The following ACYP2 variants were observed in gnomAD, a reference collection of about 807,000 sequenced individuals.
ACYP2 encodes the protein acylphosphatase 2.
ACYP2 carries 12 observed loss-of-function variants against 11.2 expected under a neutral mutation model. The ratio of observed to expected loss-of-function variants is 1.08; its 90% CI spans 0.69 to 1.74. The LOEUF (loss-of-function observed/expected upper bound fraction) is 1.74. Ranked by LOEUF, ACYP2 falls within the 40% of genes most tolerant of loss-of-function variation. The pLI is 0.00. For synonymous variants in ACYP2, 43 were observed against 32.2 expected (o/e 1.33, Z -1.13); for missense variants, 134 against 101.9 (o/e 1.31, Z -1.35).
At chr2:54,142,024 T>TA in intron 6 of ACYP2, 4 of 295,566 alleles carry the variant, frequency 1.4e-5, no homozygotes, top group African/African-American at 7.8e-5. Flanking sequence ...TATTTTGTTG[T>TA]TGTTGTTGTT....
intron 4 of ACYP2, among the ~76,000 whole-genome samples, chr2:54,116,283 T>C (rs1318896269): frequency 1.3e-5 from 2 of 152,204 alleles, no homozygotes; most frequent in Non-Finnish European, 2.9e-5. Context: ...AAGTTTGTAA[T>C]GTCTGGCTTG....
At chr2:54,235,144 G>T (rs1365600327) in intron 6 of ACYP2, among the ~76,000 whole-genome samples, 2 of 152,166 alleles carry the variant, frequency 1.3e-5, no homozygotes, top group African/African-American at 4.8e-5. Context: ...AGATTGGGGT[G>T]TAAGTTTTCT....
At chr2:54,138,406 T>C (rs1379347048) in intron 5 of ACYP2, among the ~76,000 whole-genome samples, 1 of 152,228 alleles carries the variant, frequency 6.6e-6, no homozygotes, top group Non-Finnish European at 1.5e-5. Flanking sequence ...TAGTTTTTCA[T>C]AATGTTTTTA....
At chr2:54,132,731 G>A (rs2103769370) in intron 4 of ACYP2, among the ~76,000 whole-genome samples, 1 of 149,982 alleles carries the variant, frequency 6.7e-6, no homozygotes, top group African/African-American at 2.5e-5. Context: ...CTTTTATAGT[G>A]TACAATTGAA....
At chr2:54,001,719 T>A (rs774788495) in intron 2 of ACYP2, among the ~76,000 whole-genome samples, 6 of 152,210 alleles carry the variant, frequency 3.9e-5, no homozygotes, top group Non-Finnish European at 8.8e-5. Context: ...TGCGTCCTAT[T>A]CCTGCAGAAA....
intron 4 of ACYP2, among the ~76,000 whole-genome samples, chr2:54,121,859 A>C (rs897049192): frequency 6.6e-6 from 1 of 152,220 alleles, no homozygotes; most frequent in African/African-American, 2.4e-5. Context: ...GCTTGTTTTC[A>C]TATCCCCTAC....
rs149754933 is a variant in ACYP2, at chr2:54,091,489, T to TTTTTTTTA, written c.277+34132_277+34133insTTTTATTT. 2.9e-4 allele frequency among the ~76,000 whole-genome samples: 42 copies of TTTTTTTTA among 143,738 alleles called. 1 individual carries two copies. In the East Asian group the frequency reaches 8.3e-3, roughly 28 times the overall value. 94.3% of individuals were successfully genotyped at this position (143,738 alleles called of 152,430 possible). A position where few individuals can be genotyped will look rare whatever the true frequency, so the allele number is the denominator to read the frequency against. ...CTTAGAGCACATCTCACTCTCTTGATTTTATTTATTTATTTATTTATTTAT... is the reference window on the plus strand; with the variant it reads ...CTTAGAGCACATCTCACTCTCTTGATTTTTTTTATTTATTTATTTATTTATTTATTTAT... On this transcript the variant is annotated intron_variant, in intron 4 of 6. Transcript: ENST00000607452.
intron 6 of ACYP2, among the ~76,000 whole-genome samples, chr2:54,186,575 G>A (rs530570775): frequency 1.3e-5 from 2 of 152,220 alleles, no homozygotes; most frequent in Middle Eastern, 3.4e-3. Flanking sequence ...GTACAATGGC[G>A]TGGTCTCAGC....
chr2:54,010,018 C>A (rs1204512574), intron 2 of ACYP2, among the ~76,000 whole-genome samples: 1 of 152,040 alleles, frequency 6.6e-6, no homozygotes, highest in Non-Finnish European at 1.5e-5. Context: ...TCAAATTACT[C>A]TTAGAACAAA....
intron 4 of ACYP2, among the ~76,000 whole-genome samples, chr2:54,096,673 A>C (rs1320086319): frequency 6.6e-6 from 1 of 152,174 alleles, no homozygotes; most frequent in East Asian, 1.9e-4. Flanking sequence ...TCCACCAAAA[A>C]AATACGAAAA....
chr2:54,132,837 C>A (rs1572829806), intron 4 of ACYP2, among the ~76,000 whole-genome samples: 1 of 151,648 alleles, frequency 6.6e-6, no homozygotes, highest in Non-Finnish European at 1.5e-5. Context: ...CTCCGCCTCC[C>A]AGGCTCAAGT....
intron 4 of ACYP2, among the ~76,000 whole-genome samples, chr2:54,102,194 A>G (rs1678932327): frequency 6.6e-6 from 1 of 152,214 alleles, no homozygotes; most frequent in African/African-American, 2.4e-5. Context: ...GTTTCAGCAT[A>G]TCATCAATAA....
At chr2:54,154,112 G>A (rs1282764830) in intron 6 of ACYP2, among the ~76,000 whole-genome samples, 1 of 151,536 alleles carries the variant, frequency 6.6e-6, no homozygotes, top group African/African-American at 2.4e-5. Flanking sequence ...TAGATAGTCT[G>A]TTGCTAGTGT....
At chr2:54,149,468 A>T (rs1218372200) in intron 6 of ACYP2, among the ~76,000 whole-genome samples, 1 of 152,158 alleles carries the variant, frequency 6.6e-6, no homozygotes, top group Non-Finnish European at 1.5e-5. Flanking sequence ...ACATTTTTTG[A>T]TGCATAAGGA....
At chr2:54,122,368 C>T (rs1434629939) in intron 4 of ACYP2, among the ~76,000 whole-genome samples, 2 of 152,176 alleles carry the variant, frequency 1.3e-5, no homozygotes, top group Non-Finnish European at 2.9e-5. Flanking sequence ...TTGTAGTGGA[C>T]TGGACCTTGA....
intron 4 of ACYP2, among the ~76,000 whole-genome samples, chr2:54,118,038 A>G (rs985883831): frequency 6.6e-6 from 1 of 152,214 alleles, no homozygotes; most frequent in Non-Finnish European, 1.5e-5. Flanking sequence ...TTTTCCATTC[A>G]TGAGTTACTT....
intron 4 of ACYP2, among the ~76,000 whole-genome samples, chr2:54,122,594 CT>C (rs1680225137): frequency 6.6e-6 from 1 of 152,226 alleles, no homozygotes. Flanking sequence ...CCAGCCAACA[CT>C]GATAAAGTGC....
At chr2:54,034,160 C>G (rs1437753181) in intron 2 of ACYP2, among the ~76,000 whole-genome samples, 3 of 152,160 alleles carry the variant, frequency 2.0e-5, no homozygotes, top group African/African-American at 7.2e-5. Context: ...GAGTTTGAGA[C>G]CAGCCTGGCC....
intron 4 of ACYP2, among the ~76,000 whole-genome samples, chr2:54,115,957 G>C (rs749751805): frequency 1.6e-4 from 24 of 152,014 alleles, no homozygotes; most frequent in Non-Finnish European, 3.1e-4. Context: ...GTACGGGAAT[G>C]GGGAGGGAAG....
Sources: gnomAD v4.1 joint callset for allele counts (sites outside exome capture counted in the v4.1 genomes callset) on GRCh38, gnomAD v4.1.1 for gene constraint, MANE v1.5 for transcripts, NCBI Gene and HGNC (gene_info 2026-07-23, HGNC 2026-07-21) for gene names.